The following DPP10 variants were observed in gnomAD, a reference collection of about 807,000 sequenced individuals.
DPP10 encodes the protein inactive dipeptidyl peptidase 10.
Under a neutral mutation model 120.9 loss-of-function variants are expected in DPP10, and 33 were observed. The ratio of observed to expected loss-of-function variants is 0.27; its 90% CI spans 0.21 to 0.37. DPP10 has a LOEUF of 0.37. DPP10 is among the 10% of genes least tolerant of loss of function. The probability of loss-of-function intolerance (pLI) is 1.00; values close to 1 mark genes in which losing one functional copy is unlikely to be tolerated. For synonymous variants in DPP10, 337 were observed against 326.1 expected (o/e 1.03, Z -0.36); for missense variants, 816 against 942.8 (o/e 0.87, Z 1.76).
At chr2:114,781,084 T>G (rs1682286403) in intron 1 of DPP10, among the ~76,000 whole-genome samples, 1 of 152,162 alleles carries the variant, frequency 6.6e-6, no homozygotes, top group South Asian at 2.1e-4. Flanking sequence ...AAGTCCGATG[T>G]GCTTGTAGTT....
At chr2:115,249,359 T>C (rs1250456950) in intron 1 of DPP10, among the ~76,000 whole-genome samples, 1 of 152,118 alleles carries the variant, frequency 6.6e-6, no homozygotes, top group Non-Finnish European at 1.5e-5. Flanking sequence ...AGATAGCACT[T>C]AGAATGGCAA....
chr2:115,486,763 T>A (rs535434437), intron 3 of DPP10, among the ~76,000 whole-genome samples: 1 of 152,322 alleles, frequency 6.6e-6, no homozygotes, highest in South Asian at 2.1e-4. Flanking sequence ...CCTCTTATGC[T>A]ATCTTTTTGC....
intron 3 of DPP10, among the ~76,000 whole-genome samples, chr2:115,395,951 A>G (rs540265213): frequency 6.6e-6 from 1 of 152,224 alleles, no homozygotes; most frequent in Non-Finnish European, 1.5e-5. Flanking sequence ...TCAATTTCTG[A>G]TAGTGAAATA....
chr2:114,522,250 C>T (rs914520160), intron 1 of DPP10, among the ~76,000 whole-genome samples: 3 of 152,018 alleles, frequency 2.0e-5, no homozygotes, highest in Admixed American at 6.5e-5. Context: ...TCCCAAAGTG[C>T]TGGGATTACA....
intron 5 of DPP10, among the ~76,000 whole-genome samples, chr2:115,588,270 G>A (rs1410255957): frequency 6.6e-6 from 1 of 152,048 alleles, no homozygotes. Context: ...CATATGCCAT[G>A]TATTTAAAAG....
chr2:115,331,874 C>A (rs1423163918), intron 2 of DPP10, among the ~76,000 whole-genome samples: 2 of 152,024 alleles, frequency 1.3e-5, no homozygotes, highest in Non-Finnish European at 2.9e-5. Context: ...GGATATTGGT[C>A]TAAAATTCTC....
At chr2:114,692,659 G>A (rs912010949) in intron 1 of DPP10, among the ~76,000 whole-genome samples, 29 of 152,102 alleles carry the variant, frequency 1.9e-4, no homozygotes, top group African/African-American at 6.7e-4. Flanking sequence ...TCAATGATCT[G>A]TCTAATATTG....
intron 1 of DPP10, among the ~76,000 whole-genome samples, chr2:115,231,192 TA>T (rs570179149): frequency 3.9e-5 from 6 of 152,062 alleles, no homozygotes; most frequent in South Asian, 4.1e-4. Flanking sequence ...TATTATAGAT[TA>T]AAAAAATGAA....
chr2:115,468,957 CT>C (rs55673607), intron 3 of DPP10: 126,365 of 183,282 alleles, frequency 0.69, 42,929 homozygotes, highest in Admixed American at 0.81. Context: ...TTCATAGATA[CT>C]TTTTTTTTTT....
At chr2:115,067,132 T>G (rs995405422) in intron 1 of DPP10, among the ~76,000 whole-genome samples, 3 of 152,178 alleles carry the variant, frequency 2.0e-5, no homozygotes, top group Non-Finnish European at 4.4e-5. Flanking sequence ...TTTTTAAGAT[T>G]GTATATGTGA....
At chr2:115,064,890 GAA>G in intron 1 of DPP10, 1 of 1,246,738 alleles carries the variant, frequency 8.0e-7, no homozygotes, top group Non-Finnish European at 1.1e-6. Flanking sequence ...CTCTTGTACT[GAA>G]TTGTCTTTTC....
intron 2 of DPP10, among the ~76,000 whole-genome samples, chr2:115,336,603 A>G (rs200862538): frequency 1.1e-5 from 1 of 93,940 alleles, no homozygotes; most frequent in Non-Finnish European, 3.2e-5. Context: ...CTCTCTCTAT[A>G]TATATATATA....
intron 1 of DPP10, among the ~76,000 whole-genome samples, chr2:115,143,524 C>T (rs1451675400): frequency 6.6e-6 from 1 of 152,164 alleles, no homozygotes; most frequent in Non-Finnish European, 1.5e-5. Flanking sequence ...GGATGACTTA[C>T]TATCCAAGAT....
At chr2:115,770,461 G>T (rs1227981527) in intron 13 of DPP10, among the ~76,000 whole-genome samples, 2 of 151,984 alleles carry the variant, frequency 1.3e-5, no homozygotes, top group Non-Finnish European at 2.9e-5. Flanking sequence ...TATTCTGGTT[G>T]CTGTTTAGGT....
chr2:114,481,686 A>G (rs1464089922), intron 1 of DPP10, among the ~76,000 whole-genome samples: 1 of 152,158 alleles, frequency 6.6e-6, no homozygotes, highest in African/African-American at 2.4e-5. Context: ...GAGTGAAATA[A>G]GCCAACCCAA....
intron 4 of DPP10, among the ~76,000 whole-genome samples, chr2:115,502,444 T>C (rs976573062): frequency 1.2e-4 from 18 of 152,132 alleles, no homozygotes; most frequent in Non-Finnish European, 2.5e-4. Context: ...TGTTTGGAAA[T>C]GTTATCTCTT....
At chr2:114,812,665 C>T (rs1574247795) in intron 1 of DPP10, among the ~76,000 whole-genome samples, 2 of 151,638 alleles carry the variant, frequency 1.3e-5, no homozygotes, top group South Asian at 2.1e-4. Flanking sequence ...TTGTTCTCAC[C>T]TCTGTATCTC....
chr2:115,297,099 C>T (rs1036391521), intron 1 of DPP10, among the ~76,000 whole-genome samples: 6 of 151,954 alleles, frequency 3.9e-5, no homozygotes, highest in East Asian at 1.9e-4. Flanking sequence ...TTGGAAAGCT[C>T]GTAAATACTG....
chr2:114,620,912 T>G (rs1694048557), intron 1 of DPP10, among the ~76,000 whole-genome samples: 1 of 152,094 alleles, frequency 6.6e-6, no homozygotes, highest in South Asian at 2.1e-4. Context: ...TCATCGAATC[T>G]GGTGGAATTG....
Sources: gnomAD v4.1 joint callset for allele counts (sites outside exome capture counted in the v4.1 genomes callset) on GRCh38, gnomAD v4.1.1 for gene constraint, MANE v1.5 for transcripts, NCBI Gene and HGNC (gene_info 2026-07-23, HGNC 2026-07-21) for gene names.